The following SNX29 variants were observed in gnomAD, a reference collection of about 807,000 sequenced individuals.
SNX29 encodes the protein sorting nexin-29.
SNX29 carries 78 observed loss-of-function variants against 102.1 expected under a neutral mutation model. That is an observed-to-expected ratio of 0.76 (90% CI 0.64 to 0.92). SNX29 has a LOEUF of 0.92. Among genes scored for constraint, SNX29 ranks in the 40% least tolerant of loss-of-function variants. SNX29 has a pLI of 0.00. For synonymous variants in SNX29, 580 were observed against 414.5 expected, an observed-to-expected ratio of 1.40 and a Z score of -4.85; for missense variants, 1,280 against 1,061.7, an observed-to-expected ratio of 1.21 and a Z score of -2.86.
At chr16:12,548,147 A>G (rs916100) in intron 20 of SNX29, among the ~76,000 whole-genome samples, 15,050 of 152,182 alleles carry the variant, frequency 0.099, 1,254 homozygotes, top group East Asian at 0.2. Flanking sequence ...ATCCCTGTTC[A>G]TTCTTCATCT....
intron 13 of SNX29, among the ~76,000 whole-genome samples, chr16:12,152,681 T>C (rs947833768): frequency 2.0e-5 from 3 of 152,230 alleles, no homozygotes; most frequent in Admixed American, 2.0e-4. Flanking sequence ...CCAGTCAGGC[T>C]GAGAGATGAA....
chr16:12,145,667 A>T (rs2055038382), intron 13 of SNX29, among the ~76,000 whole-genome samples: 1 of 152,226 alleles, frequency 6.6e-6, no homozygotes, highest in African/African-American at 2.4e-5. Context: ...ATTTTATATA[A>T]TTCAGGTCAT....
chr16:12,171,633 C>A (rs1405729505), intron 13 of SNX29, among the ~76,000 whole-genome samples: 1 of 152,218 alleles, frequency 6.6e-6, no homozygotes, highest in Non-Finnish European at 1.5e-5. Flanking sequence ...CCTGGGGAAC[C>A]TTGGCAAGTG....
rs187440644 is a variant in SNX29 at position 12,555,653 on chromosome 16, C to T, written c.2319-12853C>T. ...CTGAGTAACCCCACTGATGCCAGAC[C>T]CTGTCACTCCTGCACGAAGTCTGAG... On this transcript the variant is annotated intron_variant, in intron 20 of 20. Coordinates refer to ENST00000566228, the MANE Select transcript of SNX29 (RefSeq NM_032167.5). Among the ~76,000 whole-genome samples the T allele has an allele frequency of 5.3e-5, 8 of 152,136 alleles. 1 individual carries two copies. In the East Asian group the frequency reaches 1.4e-3, roughly 26 times the overall value.
chr16:12,122,033 C>G (rs1362494378), intron 11 of SNX29, among the ~76,000 whole-genome samples: 1 of 152,186 alleles, frequency 6.6e-6, no homozygotes, highest in African/African-American at 2.4e-5. Flanking sequence ...CTGGGATGGT[C>G]TTCATCTCCT....
intron 20 of SNX29, among the ~76,000 whole-genome samples, chr16:12,561,414 C>T (rs979013545): frequency 4.6e-5 from 7 of 152,160 alleles, no homozygotes; most frequent in South Asian, 2.1e-4. Flanking sequence ...ACAGATCAGT[C>T]CTAGCTGGGT....
At chr16:12,560,697 G>T (rs963747813) in intron 20 of SNX29, 2 of 161,290 alleles carry the variant, frequency 1.2e-5, no homozygotes, top group Admixed American at 6.5e-5. Context: ...TCTAGTCATC[G>T]ACTCTGGGCT....
rs2288424 is a variant in SNX29, at chr16:12,568,655, C to G, written c.*26C>G. 3 of 1,598,372 alleles carry G rather than the reference C, an allele frequency of 1.9e-6. No homozygotes were observed. The highest frequency in any genetic ancestry group is 2.5e-6 in the Non-Finnish European group (3 of 1,178,934). The stretch of plus-strand genomic sequence containing the variant: ...CCTCGACAAAACCGCAGCCACGGGC[C>G]CTGTGCGTGGCACCAGCTGCGTCCA... On this transcript the variant is annotated 3_prime_UTR_variant, in exon 21 of 21. Coordinates refer to ENST00000566228, the MANE Select transcript of SNX29 (RefSeq NM_032167.5).
rs569472943 is a variant in SNX29 at position 12,164,444 on chromosome 16, A to G, written c.1595+34686A>G. Reference sequence around the variant, plus strand: ...TTGATCCTGTAGGTTCGTGATTTTGAGAAGTTCAACTGCTACATTTTTGCC... The same window carrying G: ...TTGATCCTGTAGGTTCGTGATTTTGGGAAGTTCAACTGCTACATTTTTGCC... On this transcript the variant is annotated intron_variant, in intron 13 of 20. Coordinates refer to ENST00000566228, the MANE Select transcript of SNX29 (RefSeq NM_032167.5). 3.9e-5 allele frequency among the ~76,000 whole-genome samples: 6 copies of G among 152,312 alleles called. No homozygotes were observed. The East Asian group carries it at 1.2e-3, about 29-fold the overall frequency.
At chr16:12,359,930 T>C (rs920300114) in intron 16 of SNX29, among the ~76,000 whole-genome samples, 13 of 152,184 alleles carry the variant, frequency 8.5e-5, no homozygotes, top group African/African-American at 2.7e-4. Context: ...TTCAAGCAAT[T>C]CTCATGCCTC....
chr16:12,000,044 G>T (rs2056230683), intron 2 of SNX29, among the ~76,000 whole-genome samples: 1 of 151,426 alleles, frequency 6.6e-6, no homozygotes, highest in South Asian at 2.1e-4. Context: ...CTAGGACAAG[G>T]AGGATGGAGG....
chr16:12,564,244 C>G (rs1366676367), intron 20 of SNX29, among the ~76,000 whole-genome samples: 2 of 152,166 alleles, frequency 1.3e-5, no homozygotes, highest in Non-Finnish European at 2.9e-5. Context: ...AAAATCTCTA[C>G]TCAGTTCCTT....
intron 19 of SNX29, among the ~76,000 whole-genome samples, chr16:12,499,026 A>C (rs919242058): frequency 2.0e-5 from 3 of 152,168 alleles, no homozygotes; most frequent in Admixed American, 2.0e-4. Context: ...AAAATGAGCC[A>C]CCCAGGCAGA....
intron 15 of SNX29, among the ~76,000 whole-genome samples, chr16:12,292,143 G>T (rs2079818487): frequency 6.6e-6 from 1 of 152,158 alleles, no homozygotes; most frequent in Admixed American, 6.5e-5. Flanking sequence ...ATAGGACCTT[G>T]CCAGTGAGAC....
intron 20 of SNX29, among the ~76,000 whole-genome samples, chr16:12,547,990 T>C (rs911219601): frequency 6.6e-6 from 1 of 152,144 alleles, no homozygotes; most frequent in Non-Finnish European, 1.5e-5. Flanking sequence ...CACAGGGGTC[T>C]CGAGTGAACG....
chr16:12,399,352 G>A (rs539074157), intron 17 of SNX29, among the ~76,000 whole-genome samples: 11 of 152,274 alleles, frequency 7.2e-5, no homozygotes, highest in African/African-American at 2.2e-4. Context: ...GTGCCCAGCC[G>A]ATTTTTGTTC....
chr16:12,075,108 A>T (rs1393306973), intron 10 of SNX29, among the ~76,000 whole-genome samples: 1 of 152,092 alleles, frequency 6.6e-6, no homozygotes, highest in Non-Finnish European at 1.5e-5. Context: ...CTTTGGTTTG[A>T]ATTTCCTCCT....
At chr16:12,545,976 G>A (rs1031730151) in intron 20 of SNX29, among the ~76,000 whole-genome samples, 1 of 152,102 alleles carries the variant, frequency 6.6e-6, no homozygotes, top group Non-Finnish European at 1.5e-5. Flanking sequence ...GTGCTTCAGT[G>A]GGCACTGTAG....
intron 20 of SNX29, among the ~76,000 whole-genome samples, chr16:12,552,191 A>C (rs1266569228): frequency 6.6e-6 from 1 of 152,216 alleles, no homozygotes; most frequent in African/African-American, 2.4e-5. Context: ...AAACAACGGC[A>C]GATAAGGCAG....
Sources: allele counts gnomAD v4.1 joint callset (sites outside exome capture counted in the v4.1 genomes callset), GRCh38; gene constraint gnomAD v4.1.1; transcripts MANE v1.5; gene names NCBI Gene and HGNC (gene_info 2026-07-23, HGNC 2026-07-21).